The following FRMD4A variants were observed in gnomAD, a reference collection of about 807,000 sequenced individuals.
FRMD4A encodes FERM domain containing 4A, also known as FERM domain-containing protein 4A.
Under a neutral mutation model 129.1 loss-of-function variants are expected in FRMD4A, and 29 were observed. That is an observed-to-expected ratio of 0.22 (90% CI 0.17 to 0.31). The LOEUF (loss-of-function observed/expected upper bound fraction) is 0.31. FRMD4A is among the 10% of genes least tolerant of loss of function. FRMD4A has a pLI of 1.00. For synonymous variants in FRMD4A, 634 were observed against 571.6 expected (o/e 1.11, Z -1.56); for missense variants, 1,272 against 1,375.8 (o/e 0.92, Z 1.19).
intron 16 of FRMD4A, among the ~76,000 whole-genome samples, chr10:13,673,639 T>G (rs1162118956): frequency 6.6e-6 from 1 of 152,032 alleles, no homozygotes; most frequent in African/African-American, 2.4e-5. Flanking sequence ...ACATGAAGCC[T>G]TCAAACACTT....
intron 2 of FRMD4A, among the ~76,000 whole-genome samples, chr10:14,282,467 G>C (rs550445102): frequency 1.2e-3 from 179 of 152,258 alleles, no homozygotes; most frequent in African/African-American, 4.1e-3. Flanking sequence ...ATCGCCTTGC[G>C]TTAGCCGTGA....
intron 23 of FRMD4A, 27 bp from the exon 24 acceptor site, chr10:13,652,001 A>G: frequency 8.0e-7 from 1 of 1,251,160 alleles, no homozygotes; most frequent in Non-Finnish European, 1.2e-6. Context: ...AGGAGGAGGA[A>G]GAGAAGAGAG....
chr10:13,723,144 G>A (rs999051739), intron 12 of FRMD4A, among the ~76,000 whole-genome samples: 3 of 151,748 alleles, frequency 2.0e-5, no homozygotes, highest in African/African-American at 4.8e-5. Flanking sequence ...CCCTATGCTG[G>A]TTAGCTAGGT....
intron 2 of FRMD4A, among the ~76,000 whole-genome samples, chr10:13,968,026 T>C (rs1258429877): frequency 6.6e-6 from 1 of 152,112 alleles, no homozygotes; most frequent in East Asian, 1.9e-4. Context: ...GCGGGGGCGC[T>C]TAAGACATTT....
intron 2 of FRMD4A, among the ~76,000 whole-genome samples, chr10:13,953,706 G>A (rs2095389734): frequency 6.6e-6 from 1 of 152,106 alleles, no homozygotes; most frequent in Non-Finnish European, 1.5e-5. Context: ...CATATTGTTA[G>A]AATTGTTGAA....
chr10:14,124,592 C>T (rs985586623), intron 2 of FRMD4A, among the ~76,000 whole-genome samples: 5 of 152,176 alleles, frequency 3.3e-5, no homozygotes, highest in Admixed American at 3.3e-4. Context: ...AGGAGAATCT[C>T]GTGAACCCAG....
At chr10:14,161,523 A>G (rs1840887006) in intron 2 of FRMD4A, among the ~76,000 whole-genome samples, 1 of 152,252 alleles carries the variant, frequency 6.6e-6, no homozygotes, top group South Asian at 2.1e-4. Context: ...TTGCAGGGAT[A>G]TGGATGGAAA....
At chr10:13,962,408 C>A (rs542495220) in intron 2 of FRMD4A, among the ~76,000 whole-genome samples, 32 of 152,204 alleles carry the variant, frequency 2.1e-4, no homozygotes, top group South Asian at 1.0e-3. Flanking sequence ...AAAAGATATG[C>A]ATATATATGG....
chr10:14,328,993 A>G (rs1342504933), intron 2 of FRMD4A, among the ~76,000 whole-genome samples: 1 of 152,170 alleles, frequency 6.6e-6, no homozygotes, highest in Non-Finnish European at 1.5e-5. Flanking sequence ...AAATCTGTGG[A>G]CCCAGTGGAA....
chr10:14,322,147 C>A (rs1220908447), intron 2 of FRMD4A, among the ~76,000 whole-genome samples: 2 of 152,080 alleles, frequency 1.3e-5, no homozygotes, highest in Non-Finnish European at 1.5e-5. Context: ...CAAGAATGAA[C>A]TACTACACTA....
intron 15 of FRMD4A, among the ~76,000 whole-genome samples, chr10:13,679,470 T>TACAC (rs1418974108): frequency 1.0e-4 from 2 of 19,982 alleles, no homozygotes; most frequent in Non-Finnish European, 1.7e-4. Context: ...AATATATATA[T>TACAC]ATATACACAC....
In FRMD4A at chr10:13,866,631, C is replaced by T. The variant is rs146969042; in HGVS notation, c.46-7719G>A. Among the ~76,000 whole-genome samples the T allele has an allele frequency of 3.9e-4, 60 of 152,214 alleles. 1 individual carries two copies. Among genetic ancestry groups the T allele is most frequent in the African/African-American group, 1.2e-3 (48 of 41,534 alleles). ...AGTTACAGCAACCTCAAGAAATTTA[C>T]GGGAAATACACACATGGAAAGAAAG... On this transcript the variant is annotated intron_variant, in intron 2 of 24. Transcript: ENST00000357447.
chr10:13,926,531 G>A (rs534474410), intron 2 of FRMD4A, among the ~76,000 whole-genome samples: 1 of 152,314 alleles, frequency 6.6e-6, no homozygotes, highest in East Asian at 1.9e-4. Context: ...TAAGAAGCCT[G>A]CTAGAGATTT....
At chr10:14,294,747 G>T (rs1032845415) in intron 2 of FRMD4A, among the ~76,000 whole-genome samples, 1 of 152,190 alleles carries the variant, frequency 6.6e-6, no homozygotes, top group African/African-American at 2.4e-5. Flanking sequence ...TCGCTACCAC[G>T]ATCTTCTAAA....
intron 2 of FRMD4A, among the ~76,000 whole-genome samples, chr10:14,252,742 T>C (rs566510799): frequency 1.3e-5 from 2 of 152,364 alleles, no homozygotes; most frequent in South Asian, 4.1e-4. Flanking sequence ...TAACAAGAAG[T>C]GCCTTAAGGG....
chr10:13,933,297 T>G (rs1246820605), intron 2 of FRMD4A, among the ~76,000 whole-genome samples: 2 of 151,542 alleles, frequency 1.3e-5, no homozygotes, highest in African/African-American at 2.4e-5. Context: ...ACTTACTTCA[T>G]CCTCTTCGTT....
intron 3 of FRMD4A, among the ~76,000 whole-genome samples, chr10:13,815,809 GA>G (rs2093533058): frequency 6.6e-6 from 1 of 152,154 alleles, no homozygotes; most frequent in South Asian, 2.1e-4. Context: ...CCCTGAGAAT[GA>G]AAAATCAGGT....
intron 2 of FRMD4A, among the ~76,000 whole-genome samples, chr10:14,274,091 G>T (rs1202004184): frequency 6.6e-6 from 1 of 152,194 alleles, no homozygotes; most frequent in Admixed American, 6.5e-5. Context: ...ATCCCAAAGG[G>T]AGGTGCTGTG....
intron 14 of FRMD4A, among the ~76,000 whole-genome samples, chr10:13,699,042 A>G (rs2086520073): frequency 7.1e-6 from 1 of 141,106 alleles, no homozygotes; most frequent in Admixed American, 7.8e-5. Context: ...TTGCTAATTT[A>G]TCTACAATAA....
Sources: gnomAD v4.1 joint callset for allele counts (sites outside exome capture counted in the v4.1 genomes callset) on GRCh38, gnomAD v4.1.1 for gene constraint, MANE v1.5 for transcripts, NCBI Gene and HGNC (gene_info 2026-07-23, HGNC 2026-07-21) for gene names.